The following CELSR2 variants were observed in gnomAD, a reference collection of about 807,000 sequenced individuals.
CELSR2 encodes cadherin EGF LAG seven-pass G-type receptor 2, also known as EGF-like protein 2.
Under a neutral mutation model 251.6 loss-of-function variants are expected in CELSR2, and 81 were observed. The observed-to-expected ratio is 0.32, with a 90% confidence interval of 0.27 to 0.39. The LOEUF (loss-of-function observed/expected upper bound fraction) is 0.39. CELSR2 is among the 10% of genes least tolerant of loss of function. The pLI is 1.00. For synonymous variants in CELSR2, 1,721 were observed against 1,670.5 expected (o/e 1.03, Z -0.74); for missense variants, 3,365 against 3,947.7 (o/e 0.85, Z 3.96).
At position 109,272,301 on chromosome 1, in the gene CELSR2, C is replaced by A; in HGVS notation, c.7950C>A (p.Tyr2650Ter). The change falls in exon 29 of 34, where the codon TAC (tyrosine) becomes TAA (stop). Residue 2650 changes from tyrosine to a stop codon, truncating the protein, a stop_gained. Transcript: ENST00000271332. LOFTEE classifies it high-confidence loss of function. ...LTSSYNCPSP[Y>*]ADGRLYQPYG... ...AGTCCTACAACTGCCCCAGCCCCTA[C>A]GCAGATGGGCGGCTGTACCAGCCCT... 6.2e-7 allele frequency: 1 copy of A among 1,607,746 alleles called. No individual in the cohort carries two copies. Among genetic ancestry groups the A allele is most frequent in the Non-Finnish European group, 8.5e-7 (1 of 1,175,496 alleles).
rs750862265 is a variant in CELSR2, at chr1:109,263,239, G to A, written c.4806G>A (p.Leu1602=). 6.3e-7 allele frequency: 1 copy of A among 1,586,278 alleles called. No individual in the cohort carries two copies. The highest frequency in any genetic ancestry group is 1.1e-5 in the South Asian group (1 of 90,016). Residue 1602 remains leucine, a synonymous_variant, in exon 8 of 34, where the codon CTG becomes CTA. Coordinates refer to ENST00000271332, the MANE Select transcript of CELSR2 (RefSeq NM_001408.3). The part of the protein sequence containing the change: ...QWDAFSCECP[L]GFGGKSCAQE... ...ACGCGTTCAGCTGCGAGTGCCCCCT[G>A]GGCTTTGGGGGCAAGAGCTGCGCCC...
chr1:109,270,519 C>G lies in CELSR2; in HGVS notation c.7402C>G (p.Leu2468Val). ...GGAGGCCTTGCACCTGTACCGGGCA[C>G]TCACTGAGGTGCGCGATGTCAACAC... Reference protein sequence around the residue: ...LLEALHLYRALTEVRDVNTGP... With the variant: ...LLEALHLYRAVTEVRDVNTGP... Residue 2468 changes from leucine to valine, a missense_variant, in exon 24 of 34, where the codon CTC becomes GTC. Leu to Val is a conservative substitution (Grantham distance 32). Transcript: ENST00000271332. 1.2e-6 allele frequency: 2 copies of G among 1,614,224 alleles called. No individual in the cohort carries two copies. The highest frequency in any genetic ancestry group is 8.5e-7 in the Non-Finnish European group (1 of 1,180,032).
rs1040974503 is a variant in CELSR2 at position 109,249,585 on chromosome 1, G to T, written c.-495G>T. ...GGGAGGCGAGGGAGCGCGGGGCTGG[G>T]CCCGGGGCCGCGGCGACAGGCAGCA... On this transcript the variant is annotated 5_prime_UTR_variant, in exon 1 of 34. Transcript: ENST00000271332. Among the ~76,000 whole-genome samples, 1 of 149,196 alleles carries T rather than the reference G, an allele frequency of 6.7e-6. No individual in the cohort carries two copies. Among genetic ancestry groups the T allele is most frequent in the Admixed American group, 6.7e-5 (1 of 14,996 alleles).
chr1:109,266,464 T>G, intron 15 of CELSR2: 25 of 394,254 alleles, frequency 6.3e-5, no homozygotes, highest in East Asian at 1.0e-4. Context: ...CCCAGGCTGG[T>G]GTGCAGTGGC....
At chr1:109,263,806 G>T in intron 9 of CELSR2, 29 bp downstream of exon 9, 2 of 1,604,818 alleles carry the variant, frequency 1.2e-6, no homozygotes. Context: ...GCTGGCCCTG[G>T]CCTGGCCATA....
In CELSR2 at chr1:109,271,424, T is replaced by G. The variant is rs762870164; in HGVS notation, c.7715T>G (p.Leu2572Arg). The G allele has an allele frequency of 6.2e-6, 10 of 1,613,912 alleles. No individual in the cohort carries two copies. The highest frequency in any genetic ancestry group is 7.6e-6 in the Non-Finnish European group (9 of 1,180,040). The part of the protein sequence containing the change: ...LQPSFAVLLL[L>R]SATWLLALLS... ...CCCTCCTTCGCCGTCCTCCTGCTGC[T>G]GAGCGCCACGTGGCTGCTGGCACTG... The change falls in exon 27 of 34, where the codon CTG (leucine) becomes CGG (arginine). Residue 2572 changes from leucine (L) to arginine (R), a missense_variant. Physicochemically the swap from Leu to Arg is moderately radical, Grantham distance 102. Coordinates refer to ENST00000271332, the MANE Select transcript of CELSR2 (RefSeq NM_001408.3).
rs1460639034 is a variant in CELSR2, at chr1:109,249,660, G to A, written c.-420G>A. The stretch of plus-strand genomic sequence containing the variant: ...AGCGGGCGGCGCGGGACCGTCGGGG[G>A]CCGCCGGGGCCGGGCCGGGGTCGGG... On this transcript the variant is annotated 5_prime_UTR_variant, in exon 1 of 34. Coordinates refer to ENST00000271332, the MANE Select transcript of CELSR2 (RefSeq NM_001408.3). Among the ~76,000 whole-genome samples, 1 of 146,708 alleles carries A rather than the reference G, an allele frequency of 6.8e-6. No homozygotes were observed. The highest frequency in any genetic ancestry group is 2.4e-5 in the African/African-American group (1 of 40,862).
Position 109,269,936 on chromosome 1 carries a change from G to T in CELSR2, c.7111G>T (p.Gly2371Trp), listed in dbSNP as rs749620925. The change falls in exon 23 of 34, where the codon GGG becomes TGG. Residue 2371 changes from glycine (G) to tryptophan (W), a missense_variant. By Grantham distance (184) the Gly-to-Trp change is radical (BLOSUM62 -2). This residue lies in a region of CELSR2 where 2,093 missense variants were observed against 2,382.8 expected (regional missense o/e 0.88). Coordinates refer to ENST00000271332, the MANE Select transcript of CELSR2 (RefSeq NM_001408.3). The surrounding 1 kb of genome is among the most constrained non-coding windows in gnomAD (Gnocchi z 6.4). ...CCCCCTGCCACCTACTCTGCAGAAT[G>T]GGGAGATCCTGCCACTGAAGACACT... ...VLMDVSRRENGEILPLKTLTY... is the reference protein window; with the variant it reads ...VLMDVSRRENWEILPLKTLTY... 6.2e-7 allele frequency: 1 copy of T among 1,614,154 alleles called. No homozygotes were observed. Among genetic ancestry groups the T allele is most frequent in the Non-Finnish European group, 8.5e-7 (1 of 1,180,016 alleles).
rs565484852 is a variant in CELSR2 at position 109,274,247 on chromosome 1, C to A, written c.*198C>A. ...AAGGCCATCTAGTGCCAACTCCCCCCCCACCATTCCCCTCACTGCACTTTG... is the reference window on the plus strand; with the variant it reads ...AAGGCCATCTAGTGCCAACTCCCCCACCACCATTCCCCTCACTGCACTTTG... On this transcript the variant is annotated 3_prime_UTR_variant, in exon 34 of 34. Transcript: ENST00000271332. 6.0e-6 allele frequency: 8 copies of A among 1,337,290 alleles called. No homozygotes were observed. In the East Asian group the frequency reaches 7.5e-5, roughly 13 times the overall value. The allele number at this position is 1,337,290 out of a possible 1,614,324, so 82.8% of individuals were successfully genotyped here.
intron 9 of CELSR2, 31 bp downstream of exon 9, chr1:109,263,808 C>T: frequency 1.2e-6 from 2 of 1,605,490 alleles, no homozygotes; most frequent in Non-Finnish European, 1.7e-6. Context: ...TGGCCCTGGC[C>T]TGGCCATAGG....
At chr1:109,265,969 C>G in intron 14 of CELSR2, 51 bp downstream of exon 14, 1 of 1,588,694 alleles carries the variant, frequency 6.3e-7, no homozygotes. Context: ...TGCTAGGCAC[C>G]TGCACCCCAG....
rs200084754 is a variant in CELSR2, at chr1:109,270,052, C to T, written c.7227C>T (p.His2409=). The change falls in exon 23 of 34, where the codon CAC becomes CAT. Residue 2409 remains histidine, a synonymous_variant. Coordinates refer to ENST00000271332, the MANE Select transcript of CELSR2 (RefSeq NM_001408.3). ...TLLRILRSNQ[H]GIRRNLTAAL... is the part of the protein sequence containing the mutation. ...TGCGTATCCTGCGCTCCAACCAACA[C>T]GGCATCCGACGTAACCTGACAGCTG... is the stretch of plus-strand genomic sequence containing the variant. The T allele has an allele frequency of 4.0e-5, 64 of 1,614,012 alleles. No individual in the cohort carries two copies. Among genetic ancestry groups the T allele is most frequent in the African/African-American group, 1.3e-4 (10 of 74,914 alleles).
At chr1:109,262,030 G>C in intron 5 of CELSR2, 134 bp downstream of exon 5, 1 of 1,086,212 alleles carries the variant, frequency 9.2e-7, no homozygotes, top group Non-Finnish European at 1.4e-6. Flanking sequence ...GAGCGGCTGG[G>C]AAGGTGCCAC....
In CELSR2 at chr1:109,251,474, G is replaced by A. The variant is rs1655686204; in HGVS notation, c.1395G>A (p.Glu465=). 3 of 1,613,694 alleles carry A rather than the reference G, an allele frequency of 1.9e-6. No individual in the cohort carries two copies. The highest frequency in any genetic ancestry group is 2.2e-5 in the South Asian group (2 of 91,096). ...ATGTGGTGAGCCCTCTTGACTATGA[G>A]ACGACCAAGGAGTACACCCTACGGG... ...ALDVVSPLDY[E]TTKEYTLRVR... is the part of the protein sequence containing the mutation. The change falls in exon 1 of 34, where the codon GAG becomes GAA. Residue 465 remains glutamate, a synonymous_variant. Transcript: ENST00000271332. The surrounding 1 kb of genome is among the most constrained non-coding windows in gnomAD (Gnocchi z 4.9).
Position 109,250,853 on chromosome 1 carries a change from G to A in CELSR2, c.774G>A (p.Arg258=), listed in dbSNP as rs1240626148. 6.2e-7 allele frequency: 1 copy of A among 1,614,002 alleles called. No homozygotes were observed. Residue 258 remains arginine (R), a synonymous_variant, in exon 1 of 34, where the codon AGG becomes AGA. Coordinates refer to ENST00000271332, the MANE Select transcript of CELSR2 (RefSeq NM_001408.3). The surrounding 1 kb of genome is among the most constrained non-coding windows in gnomAD (Gnocchi z 4.4). ...AGACCAAGAGCACCCACGTCTTCAG[G>A]GTCACGGCGCAGGACCACGGCATGC... ...DRETKSTHVF[R]VTAQDHGMPR...
In CELSR2 at chr1:109,268,699, G is replaced by T; in HGVS notation, c.6437G>T (p.Ser2146Ile). The change falls in exon 18 of 34, where the codon AGT (serine) becomes ATT (isoleucine). Residue 2146 changes from serine to isoleucine, a missense_variant. Around this residue, in one of 5 missense-constraint regions of CELSR2, gnomAD observed 2,093 missense variants for 2,382.8 expected, o/e 0.88. Coordinates refer to ENST00000271332, the MANE Select transcript of CELSR2 (RefSeq NM_001408.3). ...WLLQHYEAYA[S>I]ALAQNMRHTY... Reference sequence around the variant, plus strand: ...CTCCAGCACTATGAGGCCTACGCCAGTGCCCTGGCCCAGAACATGCGGCAC... The same window carrying T: ...CTCCAGCACTATGAGGCCTACGCCATTGCCCTGGCCCAGAACATGCGGCAC... 3.7e-6 allele frequency: 6 copies of T among 1,613,824 alleles called. No individual in the cohort carries two copies. Among genetic ancestry groups the T allele is most frequent in the Non-Finnish European group, 5.1e-6 (6 of 1,179,752 alleles).
At chr1:109,272,588 A>G in intron 29 of CELSR2, 52 bp from the exon 30 acceptor site, 1 of 1,556,150 alleles carries the variant, frequency 6.4e-7, no homozygotes, top group Admixed American at 1.7e-5. Context: ...AGAGACTGGG[A>G]CCCTGGGCAA....
In CELSR2 at chr1:109,252,447, A is replaced by T; in HGVS notation, c.2368A>T (p.Asn790Tyr). Residue 790 changes from asparagine to tyrosine, a missense_variant, in exon 1 of 34, where the codon AAT becomes TAT. Around this residue, in one of 5 missense-constraint regions of CELSR2, gnomAD observed 505 missense variants for 660.0 expected, o/e 0.77. Transcript: ENST00000271332. The surrounding 1 kb of genome is among the most constrained non-coding windows in gnomAD (Gnocchi z 4.8). ...CACCCTGGCCATTACTGCTCGGGAC[A>T]ATGGCATTCCCCAGAAGTCCGACAC... ...SYTLAITARD[N>Y]GIPQKSDTTY... The T allele has an allele frequency of 6.2e-7, 1 of 1,613,718 alleles. No homozygotes were observed. Among genetic ancestry groups the T allele is most frequent in the Middle Eastern group, 1.6e-4 (1 of 6,062 alleles).
chr1:109,266,877 G>GCCCAGCTAA, intron 15 of CELSR2, among the ~76,000 whole-genome samples: 1 of 148,976 alleles, frequency 6.7e-6, no homozygotes, highest in South Asian at 2.1e-4. Context: ...GTGCTACCAT[G>GCCCAGCTAA]CCCAGCTAAT....
Sources: gnomAD v4.1 joint callset for allele counts (sites outside exome capture counted in the v4.1 genomes callset) on GRCh38, gnomAD v4.1.1 for gene constraint, gnomAD v4.1.1 regional missense constraint, Gnocchi (gnomAD v3.1) non-coding constraint, MANE v1.5 for transcripts, NCBI Gene and HGNC (gene_info 2026-07-23, HGNC 2026-07-21) for gene names.